TAFA1: variants seen among roughly 807,000 people sequenced by gnomAD.
TAFA1 encodes the protein TAFA chemokine like family member 1, also known as chemokine-like protein TAFA-1.
Under a neutral mutation model 18.5 loss-of-function variants are expected in TAFA1, and 4 were observed. The observed-to-expected ratio is 0.22, with a 90% CI of 0.11 to 0.49. TAFA1 has a LOEUF of 0.49. Ranked by LOEUF, TAFA1 falls within the 20% of genes least tolerant of loss-of-function variation. TAFA1 has a pLI of 0.98. For missense variants in TAFA1, 147 were observed against 169.0 expected (o/e 0.87, Z 0.72); for synonymous variants, 56 against 55.2 (o/e 1.01, Z -0.06).
intron 2 of TAFA1, among the ~76,000 whole-genome samples, chr3:68,141,938 A>T (rs1426637532): frequency 6.6e-6 from 1 of 152,148 alleles, no homozygotes; most frequent in African/African-American, 2.4e-5. Flanking sequence ...TCCCCATTCT[A>T]AGATGTTCTC....
At chr3:68,021,413 A>G (rs1278975492) in intron 2 of TAFA1, among the ~76,000 whole-genome samples, 1 of 152,138 alleles carries the variant, frequency 6.6e-6, no homozygotes, top group Admixed American at 6.5e-5. Context: ...TACAGTGTGT[A>G]TCCACACTTC....
At chr3:68,335,653 A>T (rs1240609939) in intron 2 of TAFA1, among the ~76,000 whole-genome samples, 1 of 152,234 alleles carries the variant, frequency 6.6e-6, no homozygotes, top group Non-Finnish European at 1.5e-5. Flanking sequence ...ACGTAATGGT[A>T]TCAGACACAT....
At chr3:68,072,456 G>A (rs1280851403) in intron 2 of TAFA1, among the ~76,000 whole-genome samples, 1 of 152,110 alleles carries the variant, frequency 6.6e-6, no homozygotes, top group African/African-American at 2.4e-5. Flanking sequence ...GTAGAAATGT[G>A]GAAAATGGAT....
At position 68,378,063 on chromosome 3, in the gene TAFA1, G is replaced by C. The variant is rs2069853680; in HGVS notation, c.119-39217G>C. Among the ~76,000 whole-genome samples the C allele has an allele frequency of 5.9e-5, 9 of 152,232 alleles. No individual in the cohort carries two copies. The South Asian group carries it at 1.9e-3, about 31-fold the overall frequency. ...GGCCCTCATGGAGAAACTCTGCTGG[G>C]GTAGTGTGGAAGGGAAATGTGGGGT... On this transcript the variant is annotated intron_variant, in intron 2 of 4. Transcript: ENST00000478136.
At chr3:68,214,175 A>G (rs1239678555) in intron 2 of TAFA1, among the ~76,000 whole-genome samples, 2 of 152,102 alleles carry the variant, frequency 1.3e-5, no homozygotes, top group East Asian at 3.9e-4. Context: ...ACATACATCA[A>G]CAACTCTTGA....
chr3:68,152,404 A>G lies in TAFA1; in HGVS notation c.118+145660A>G, dbSNP rs75147741. Reference sequence around the variant, plus strand: ...CTTATGACTTTTTGACAAGTTCCATAAGAAGTAAACACAGTGATAGTGCTG... The same window carrying G: ...CTTATGACTTTTTGACAAGTTCCATGAGAAGTAAACACAGTGATAGTGCTG... On this transcript the variant is annotated intron_variant, in intron 2 of 4. Coordinates refer to ENST00000478136, the MANE Select transcript of TAFA1 (RefSeq NM_213609.4). 4.6e-3 allele frequency among the ~76,000 whole-genome samples: 699 copies of G among 152,246 alleles called. 29 individuals are homozygous for G. In the East Asian group the frequency reaches 0.09, roughly 20 times the overall value.
intron 2 of TAFA1, among the ~76,000 whole-genome samples, chr3:68,138,739 A>G (rs899290163): frequency 6.6e-6 from 1 of 152,216 alleles, no homozygotes; most frequent in African/African-American, 2.4e-5. Flanking sequence ...AGTATAAAGC[A>G]CTTAGCACAG....
chr3:68,164,176 A>T (rs1271646709), intron 2 of TAFA1, among the ~76,000 whole-genome samples: 1 of 152,210 alleles, frequency 6.6e-6, no homozygotes, highest in Non-Finnish European at 1.5e-5. Flanking sequence ...CAGCACGTTT[A>T]TTACAATCTC....
At chr3:68,481,666 G>A (rs1265484222) in intron 3 of TAFA1, among the ~76,000 whole-genome samples, 1 of 152,140 alleles carries the variant, frequency 6.6e-6, no homozygotes, top group Admixed American at 6.5e-5. Flanking sequence ...ACTCTAATTT[G>A]TTAATTTATA....
intron 2 of TAFA1, among the ~76,000 whole-genome samples, chr3:68,299,686 GC>G (rs2068270621): frequency 6.6e-6 from 1 of 152,348 alleles, no homozygotes; most frequent in African/African-American, 2.4e-5. Flanking sequence ...AGGCCTGGAG[GC>G]CTAGGAGGAA....
chr3:68,343,450 C>A (rs980901721), intron 2 of TAFA1, among the ~76,000 whole-genome samples: 7 of 152,060 alleles, frequency 4.6e-5, no homozygotes, highest in South Asian at 2.1e-4. Context: ...TTTATTCTTA[C>A]AAATGTTATG....
chr3:68,468,546 G>C (rs939500855), intron 3 of TAFA1, among the ~76,000 whole-genome samples: 3 of 152,164 alleles, frequency 2.0e-5, no homozygotes, highest in African/African-American at 7.2e-5. Context: ...GCTAGGCTGG[G>C]CCAAGAAAAG....
chr3:68,477,525 C>T (rs2072124423), intron 3 of TAFA1, among the ~76,000 whole-genome samples: 1 of 152,102 alleles, frequency 6.6e-6, no homozygotes, highest in Non-Finnish European at 1.5e-5. Flanking sequence ...TAGGCATGTG[C>T]CAACATGCTT....
chr3:68,176,355 C>T (rs1221713627), intron 2 of TAFA1, among the ~76,000 whole-genome samples: 1 of 152,068 alleles, frequency 6.6e-6, no homozygotes, highest in Admixed American at 6.6e-5. Context: ...GGTGTCAAGT[C>T]CCTGTGGTCC....
At chr3:68,423,883 T>G in intron 3 of TAFA1, among the ~76,000 whole-genome samples, 1 of 152,084 alleles carries the variant, frequency 6.6e-6, no homozygotes, top group Non-Finnish European at 1.5e-5. Flanking sequence ...CTATGATAAG[T>G]TCAGAAGTCT....
chr3:68,246,262 G>A lies in TAFA1; in HGVS notation c.119-171018G>A, dbSNP rs146949556. Among the ~76,000 whole-genome samples the A allele has an allele frequency of 6.7e-4, 102 of 152,208 alleles. 2 individuals are homozygous for A. In the East Asian group the frequency reaches 0.017, roughly 26 times the overall value. On this transcript the variant is annotated intron_variant, in intron 2 of 4. Coordinates refer to ENST00000478136, the MANE Select transcript of TAFA1 (RefSeq NM_213609.4). ...AATCTCTAATAATCTTGTTCAATCT[G>A]CTTTCAGTCCTTTGGTCTCAATATT...
chr3:68,035,994 A>G (rs1575585085), intron 2 of TAFA1, among the ~76,000 whole-genome samples: 1 of 152,194 alleles, frequency 6.6e-6, no homozygotes, highest in African/African-American at 2.4e-5. Context: ...AGTGGTGTCC[A>G]GGGGCTAAGG....
intron 2 of TAFA1, among the ~76,000 whole-genome samples, chr3:68,382,431 G>T (rs1367538763): frequency 6.6e-6 from 1 of 152,004 alleles, no homozygotes; most frequent in African/African-American, 2.4e-5. Context: ...TCAATCTTCT[G>T]CTTATGGTTA....
Position 68,065,491 on chromosome 3 carries a change from G to T in TAFA1, c.118+58747G>T, listed in dbSNP as rs142769610. Among the ~76,000 whole-genome samples, 11 of 152,168 alleles carry T rather than the reference G, an allele frequency of 7.2e-5. No individual in the cohort carries two copies. In the East Asian group the frequency reaches 2.1e-3, roughly 29 times the overall value. On this transcript the variant is annotated intron_variant, in intron 2 of 4. Transcript: ENST00000478136. ...CAGTGTCTTCCCCTTTATGTTTAAAGAAACCCTTGAGGTTATTGAGCACTT... is the reference window on the plus strand; with the variant it reads ...CAGTGTCTTCCCCTTTATGTTTAAATAAACCCTTGAGGTTATTGAGCACTT...
Sources: gnomAD v4.1 joint callset for allele counts (sites outside exome capture counted in the v4.1 genomes callset) on GRCh38, gnomAD v4.1.1 for gene constraint, MANE v1.5 for transcripts, NCBI Gene and HGNC (gene_info 2026-07-23, HGNC 2026-07-21) for gene names.